Variants in CSMD3 observed in about 807,000 individuals in gnomAD.
CSMD3 encodes the protein CUB and sushi domain-containing protein 3.
Under a neutral mutation model 435.2 loss-of-function variants are expected in CSMD3, and 177 were observed. The ratio of observed to expected loss-of-function variants is 0.41; its 90% CI spans 0.36 to 0.46. The LOEUF (loss-of-function observed/expected upper bound fraction) is 0.46. CSMD3 is among the 20% of genes least tolerant of loss of function. CSMD3 has a pLI of 0.34. For missense variants in CSMD3, 4,265 were observed against 4,504.6 expected (o/e 0.95, Z 1.52); for synonymous variants, 1,656 against 1,520.5 (o/e 1.09, Z -2.07).
intron 16 of CSMD3, among the ~76,000 whole-genome samples, chr8:112,673,755 A>C (rs544910822): frequency 6.6e-6 from 1 of 152,212 alleles, no homozygotes; most frequent in South Asian, 2.1e-4. Flanking sequence ...GTCTTCAAAC[A>C]GTTCTCCCGG....
chr8:113,412,351 C>T (rs1164195303), intron 1 of CSMD3, among the ~76,000 whole-genome samples: 3 of 151,996 alleles, frequency 2.0e-5, no homozygotes, highest in East Asian at 3.9e-4. Context: ...ACATGGGACT[C>T]GTATTACTTG....
intron 12 of CSMD3, among the ~76,000 whole-genome samples, chr8:112,818,048 T>TA (rs2079426763): frequency 6.6e-6 from 1 of 151,918 alleles, no homozygotes; most frequent in African/African-American, 2.4e-5. Flanking sequence ...TGATTTTTTT[T>TA]TTGCAGGAGT....
intron 45 of CSMD3, among the ~76,000 whole-genome samples, chr8:112,324,999 TTGTC>T (rs1823358943): frequency 6.6e-6 from 1 of 152,106 alleles, no homozygotes. Flanking sequence ...GTTTCTAACT[TTGTC>T]TGATTAACTT....
chr8:113,157,231 G>C (rs2091952509), intron 4 of CSMD3, among the ~76,000 whole-genome samples: 1 of 152,036 alleles, frequency 6.6e-6, no homozygotes, highest in African/African-American at 2.4e-5. Context: ...AACCACACGT[G>C]GTACTTTACG....
At chr8:113,031,021 T>G (rs557970734) in intron 5 of CSMD3, among the ~76,000 whole-genome samples, 1 of 151,716 alleles carries the variant, frequency 6.6e-6, no homozygotes, top group African/African-American at 2.4e-5. Context: ...GCAGAGAAAC[T>G]GAACCACTCA....
intron 7 of CSMD3, among the ~76,000 whole-genome samples, chr8:112,961,711 G>A (rs1003608769): frequency 1.3e-5 from 2 of 151,776 alleles, no homozygotes; most frequent in East Asian, 1.9e-4. Context: ...TTAGGAGACC[G>A]TGAACAGACT....
At position 112,410,674 on chromosome 8, in the gene CSMD3, G is replaced by GTGTATATATA. The variant is rs1832322027; in HGVS notation, c.5396-1652_5396-1643dup. 2.0e-5 allele frequency among the ~76,000 whole-genome samples: 2 copies of GTGTATATATA among 102,412 alleles called. 1 individual carries two copies. Among genetic ancestry groups the GTGTATATATA allele is most frequent in the Non-Finnish European group, 4.3e-5 (2 of 47,034 alleles). The allele number at this position is 102,412 out of a possible 152,430, so 67.2% of individuals were successfully genotyped here. ...TGTGTATATATATGTATATATATAT[G>GTGTATATATA]TGTATATATATATGTATATATATAT... is the stretch of plus-strand genomic sequence containing the variant. On this transcript the variant is annotated intron_variant, in intron 32 of 70. Transcript: ENST00000297405.
At chr8:112,382,342 C>G (rs963166839) in intron 37 of CSMD3, among the ~76,000 whole-genome samples, 6 of 150,602 alleles carry the variant, frequency 4.0e-5, no homozygotes, top group Non-Finnish European at 5.9e-5. Context: ...TACCCCTAAC[C>G]TATTACAAAT....
intron 32 of CSMD3, 57 bp from the exon 33 acceptor site, chr8:112,409,089 C>T: frequency 6.3e-7 from 1 of 1,599,024 alleles, no homozygotes; most frequent in Non-Finnish European, 8.5e-7. Flanking sequence ...AAAACGAAAA[C>T]AAAAAACAAA....
intron 35 of CSMD3, among the ~76,000 whole-genome samples, chr8:112,405,244 T>TATATAC (rs1554668933): frequency 5.0e-4 from 42 of 83,316 alleles, no homozygotes; most frequent in African/African-American, 1.8e-3. Context: ...TATATATATA[T>TATATAC]ATACATATAT....
At chr8:112,771,301 A>C (rs1165578400) in intron 13 of CSMD3, among the ~76,000 whole-genome samples, 3 of 152,028 alleles carry the variant, frequency 2.0e-5, no homozygotes, top group Non-Finnish European at 4.4e-5. Flanking sequence ...GAAATTTGGG[A>C]GGTCAAGGTG....
At chr8:113,237,840 G>A (rs1425379491) in intron 3 of CSMD3, among the ~76,000 whole-genome samples, 1 of 152,130 alleles carries the variant, frequency 6.6e-6, no homozygotes, top group African/African-American at 2.4e-5. Context: ...ACTTTGGGAG[G>A]CCGAGGTGGG....
chr8:112,730,952 A>T (rs2077061086), intron 13 of CSMD3, among the ~76,000 whole-genome samples: 1 of 152,122 alleles, frequency 6.6e-6, no homozygotes, highest in Non-Finnish European at 1.5e-5. Flanking sequence ...ATGCTAAGGA[A>T]ATGTATGCAA....
At chr8:112,600,126 G>A (rs1281887562) in intron 22 of CSMD3, among the ~76,000 whole-genome samples, 1 of 151,598 alleles carries the variant, frequency 6.6e-6, no homozygotes, top group Non-Finnish European at 1.5e-5. Flanking sequence ...AGGCTAAGAA[G>A]TCACTTGAAA....
chr8:112,762,393 T>C (rs2132153582), intron 13 of CSMD3, among the ~76,000 whole-genome samples: 1 of 152,070 alleles, frequency 6.6e-6, no homozygotes, highest in East Asian at 1.9e-4. Flanking sequence ...AGCACTGTGT[T>C]AAATGTGATG....
intron 1 of CSMD3, among the ~76,000 whole-genome samples, chr8:113,362,840 T>C (rs754326346): frequency 3.9e-5 from 6 of 152,246 alleles, no homozygotes; most frequent in Non-Finnish European, 7.3e-5. Context: ...TCTTGGGATT[T>C]AGTTACCCTA....
intron 5 of CSMD3, among the ~76,000 whole-genome samples, chr8:113,037,821 A>C (rs1244135301): frequency 6.6e-6 from 1 of 152,218 alleles, no homozygotes; most frequent in Non-Finnish European, 1.5e-5. Context: ...ACTGAATTTC[A>C]TATTTTCTTA....
chr8:112,495,975 A>G (rs1821293214), intron 30 of CSMD3, among the ~76,000 whole-genome samples: 1 of 151,782 alleles, frequency 6.6e-6, no homozygotes, highest in Non-Finnish European at 1.5e-5. Flanking sequence ...AAGTGAACAT[A>G]CACAATAAAG....
At chr8:113,355,751 C>CAA (rs2094220673) in intron 1 of CSMD3, among the ~76,000 whole-genome samples, 1 of 88,474 alleles carries the variant, frequency 1.1e-5, no homozygotes. Context: ...TATATATATA[C>CAA]ACACACACAC....
Sources: allele counts gnomAD v4.1 joint callset (sites outside exome capture counted in the v4.1 genomes callset), GRCh38; gene constraint gnomAD v4.1.1; transcripts MANE v1.5; gene names NCBI Gene and HGNC (gene_info 2026-07-23, HGNC 2026-07-21).